Variants in RPA2 observed in about 807,000 individuals in gnomAD.
RPA2 encodes replication protein A2.
Under a neutral mutation model 33.4 loss-of-function variants are expected in RPA2, and 22 were observed. That is an observed-to-expected ratio of 0.66 (90% CI 0.47 to 0.94). The LOEUF is 0.94. Among genes scored for constraint, RPA2 ranks in the 40% least tolerant of loss-of-function variants. The pLI, the probability that RPA2 is intolerant of heterozygous loss-of-function variation, is 0.00. For synonymous variants in RPA2, 109 were observed against 114.9 expected (o/e 0.95, Z 0.33); for missense variants, 279 against 329.9 (o/e 0.85, Z 1.19).
At chr1:27,894,587 C>T (rs979728940) in intron 6 of RPA2, among the ~76,000 whole-genome samples, 190 bp from the exon 7 acceptor site, 18 of 152,156 alleles carry the variant, frequency 1.2e-4, no homozygotes, top group African/African-American at 4.3e-4. Flanking sequence ...AGTAACTCCC[C>T]GAAGCACATA....
At chr1:27,899,720 G>A (rs539002954) in intron 4 of RPA2, among the ~76,000 whole-genome samples, 96 of 151,428 alleles carry the variant, frequency 6.3e-4, no homozygotes, top group Non-Finnish European at 1.0e-3. Context: ...TCGCTCTGTC[G>A]CCCAGGCTGG....
At chr1:27,911,181 A>G (rs1228124244) in intron 2 of RPA2, among the ~76,000 whole-genome samples, 2 of 151,986 alleles carry the variant, frequency 1.3e-5, no homozygotes, top group African/African-American at 4.8e-5. Context: ...GTTCCACTGC[A>G]CTCTGGCCTG....
chr1:27,908,826 C>A (rs2090063560), intron 2 of RPA2, among the ~76,000 whole-genome samples: 1 of 152,156 alleles, frequency 6.6e-6, no homozygotes, highest in African/African-American at 2.4e-5. Flanking sequence ...AGCCAGACAA[C>A]AGTGTAAACT....
In RPA2 at chr1:27,897,008, G is replaced by A. The variant is rs28904889; in HGVS notation, c.522C>T (p.Ser174=). Residue 174 remains serine (S), a synonymous_variant, in exon 6 of 9, where the codon AGC becomes AGT. Coordinates refer to ENST00000373912, the MANE Select transcript of RPA2 (RefSeq NM_002946.5). The stretch of plus-strand genomic sequence containing the variant: ...CTAGGAAAGCGAGACTACTCACCTG[G>A]CTGTTGGCTTTGCTTAGTACCATGT... The part of the protein sequence containing the change: ...NAHMVLSKAN[S]QPSAGRAPIS... The A allele has an allele frequency of 6.2e-7, 1 of 1,603,186 alleles. No individual in the cohort carries two copies. The highest frequency in any genetic ancestry group is 2.2e-5 in the East Asian group (1 of 44,686).
intron 1 of RPA2, 113 bp downstream of exon 1, chr1:27,914,321 C>G (rs2090140857): frequency 6.2e-7 from 1 of 1,612,216 alleles, no homozygotes; most frequent in Non-Finnish European, 8.5e-7. Context: ...CGCCCCAGCT[C>G]CGCTCCCGCC....
chr1:27,894,684 C>G (rs2089867966), intron 6 of RPA2, among the ~76,000 whole-genome samples: 1 of 152,160 alleles, frequency 6.6e-6, no homozygotes, highest in Admixed American at 6.5e-5. Flanking sequence ...AAGAAAATTA[C>G]CCAGAGTCTG....
chr1:27,902,630 A>G (rs2089981743), intron 4 of RPA2, among the ~76,000 whole-genome samples: 1 of 152,140 alleles, frequency 6.6e-6, no homozygotes, highest in African/African-American at 2.4e-5. Flanking sequence ...CAAAAATTTA[A>G]GACAAAAACC....
intron 2 of RPA2, among the ~76,000 whole-genome samples, chr1:27,913,790 G>A (rs1335761250): frequency 1.3e-5 from 2 of 151,998 alleles, no homozygotes; most frequent in South Asian, 2.1e-4. Flanking sequence ...ACCAAGTTGA[G>A]GGCGTTCACA....
chr1:27,898,553 T>C (rs943989309), intron 4 of RPA2, among the ~76,000 whole-genome samples: 2 of 151,806 alleles, frequency 1.3e-5, no homozygotes, highest in African/African-American at 2.4e-5. Flanking sequence ...GATTTTTTTT[T>C]TTTTTTTTGA....
chr1:27,909,925 TAAC>T (rs1409100648), intron 2 of RPA2, among the ~76,000 whole-genome samples: 1 of 152,198 alleles, frequency 6.6e-6, no homozygotes, highest in African/African-American at 2.4e-5. Flanking sequence ...TAGCTTTTAA[TAAC>T]AACGTTGACA....
intron 8 of RPA2, among the ~76,000 whole-genome samples, chr1:27,893,689 C>T (rs2089852972): frequency 6.6e-6 from 1 of 152,124 alleles, no homozygotes; most frequent in South Asian, 2.1e-4. Flanking sequence ...CTCACTGCAA[C>T]CTCCGCCTCC....
intron 2 of RPA2, among the ~76,000 whole-genome samples, chr1:27,910,366 T>A (rs1160613929): frequency 6.6e-6 from 1 of 152,218 alleles, no homozygotes; most frequent in South Asian, 2.1e-4. Flanking sequence ...TAGGTAACAG[T>A]TGAGATGTTA....
intron 8 of RPA2, among the ~76,000 whole-genome samples, chr1:27,892,460 AG>A (rs2089836870): frequency 6.6e-6 from 1 of 152,266 alleles, no homozygotes; most frequent in Non-Finnish European, 1.5e-5. Flanking sequence ...AATGGCTATT[AG>A]GGCTGTCTTG....
Position 27,914,536 on chromosome 1 carries a change from G to A in RPA2, c.-93C>T, listed in dbSNP as rs548870887. 2.7e-5 allele frequency: 43 copies of A among 1,609,384 alleles called. No homozygotes were observed. The highest frequency in any genetic ancestry group is 3.6e-5 in the Non-Finnish European group (42 of 1,178,248). ...AACGCGGCCGCCACTGCGCCGCTCT[G>A]GCTACTTTTCTCTGGCACCACAAAC... On this transcript the variant is annotated 5_prime_UTR_variant, in exon 1 of 9. Transcript: ENST00000373912.
At chr1:27,908,029 C>T (rs2090052586) in intron 2 of RPA2, among the ~76,000 whole-genome samples, 1 of 151,840 alleles carries the variant, frequency 6.6e-6, no homozygotes. Flanking sequence ...GATGGGGTTT[C>T]ACCATGTTGG....
chr1:27,893,226 T>C (rs1377620105), intron 8 of RPA2, among the ~76,000 whole-genome samples: 1 of 152,230 alleles, frequency 6.6e-6, no homozygotes, highest in African/African-American at 2.4e-5. Flanking sequence ...AGTGATGTGA[T>C]GGGTAGCACC....
At chr1:27,896,956 C>G in intron 6 of RPA2, 49 bp downstream of exon 6, 1 of 1,373,812 alleles carries the variant, frequency 7.3e-7, no homozygotes, top group Non-Finnish European at 1.0e-6. Flanking sequence ...CAAAAGTAGC[C>G]TGTGTTCTTC....
chr1:27,905,184 A>G (rs1343633921), intron 4 of RPA2, among the ~76,000 whole-genome samples: 1 of 152,206 alleles, frequency 6.6e-6, no homozygotes, highest in East Asian at 1.9e-4. Flanking sequence ...AATTTATGGC[A>G]AACACTTCTT....
intron 5 of RPA2, 71 bp from the exon 6 acceptor site, chr1:27,897,192 C>T: frequency 9.9e-7 from 1 of 1,007,934 alleles, no homozygotes; most frequent in Non-Finnish European, 1.5e-6. Flanking sequence ...CACTGTGGCT[C>T]TTTCCTTGGT....
Sources: allele counts gnomAD v4.1 joint callset (sites outside exome capture counted in the v4.1 genomes callset), GRCh38; gene constraint gnomAD v4.1.1; transcripts MANE v1.5; gene names NCBI Gene and HGNC (gene_info 2026-07-23, HGNC 2026-07-21).